C3orf49: variants seen among roughly 807,000 people sequenced by gnomAD.
The protein encoded by C3orf49 is putative uncharacterized protein C3orf49.
C3orf49 carries 27 observed loss-of-function variants against 13.3 expected under a neutral mutation model. That is an observed-to-expected ratio of 2.02 (90% confidence interval 1.49 to 2.79). The LOEUF (loss-of-function observed/expected upper bound fraction) is 2.79, where lower values mean the gene tolerates loss of function less well. C3orf49 is among the 30% of genes most tolerant of loss of function. C3orf49 has a pLI of 0.00. For synonymous variants in C3orf49, 87 were observed against 47.6 expected (o/e 1.83, Z -3.40); for missense variants, 242 against 134.2 (o/e 1.80, Z -3.97).
At chr3:63,815,985 C>T (rs1487119353), upstream of C3orf49, among the ~76,000 whole-genome samples, 6 of 151,204 alleles carry the variant, frequency 4.0e-5, no homozygotes, top group Admixed American at 2.0e-4. Context: ...GGGGTTTCAC[C>T]GTGTTGGCCA....
At chr3:63,816,023 A>T (rs1391755966), upstream of C3orf49, among the ~76,000 whole-genome samples, 1 of 151,320 alleles carries the variant, frequency 6.6e-6, no homozygotes, top group Non-Finnish European at 1.5e-5. Context: ...TGACCTCGTG[A>T]TCTGCCTGCC....
the C3orf49 span, among the ~76,000 whole-genome samples, chr3:63,810,441 G>C: frequency 6.6e-6 from 1 of 152,180 alleles, no homozygotes; most frequent in Non-Finnish European, 1.5e-5. Flanking sequence ...TTTGTGGAAT[G>C]ATCAGGTGAA....
the C3orf49 span, among the ~76,000 whole-genome samples, chr3:63,806,865 T>A: frequency 6.6e-6 from 1 of 152,220 alleles, no homozygotes; most frequent in Non-Finnish European, 1.5e-5. Context: ...GTATTATAAT[T>A]GCCTTTAGTT....
At chr3:63,799,053 A>C in the C3orf49 span, among the ~76,000 whole-genome samples, 1 of 152,156 alleles carries the variant, frequency 6.6e-6, no homozygotes, top group Non-Finnish European at 1.5e-5. Context: ...GTGAGCTGCC[A>C]TGGAGAACAA....
intron 5 of C3orf49, among the ~76,000 whole-genome samples, chr3:63,841,517 C>T (rs758364465): frequency 5.3e-4 from 80 of 152,160 alleles, no homozygotes; most frequent in Non-Finnish European, 1.0e-3. Flanking sequence ...TATTTTTGAG[C>T]GCAGGTGCAG....
chr3:63,831,064 A>C lies in C3orf49; in HGVS notation c.571-46A>C, dbSNP rs867495985. ...CTTGTTTAAGCACCATCACATAAAT[A>C]ATGTTGGTAGTTCCTAATCTGATGT... On this transcript the variant is annotated intron_variant, in intron 3 of 6. Coordinates refer to ENST00000295896, the MANE Select transcript of C3orf49 (RefSeq NM_001355236.2). 18 of 680,742 alleles carry C rather than the reference A, an allele frequency of 2.6e-5. 1 individual carries two copies. In the Middle Eastern group the frequency reaches 3.3e-3, roughly 126 times the overall value. The allele number at this position is 680,742 out of a possible 1,614,324, so 42.2% of individuals were successfully genotyped here.
chr3:63,811,570 C>CAAAACAAAAAAA, the C3orf49 span, among the ~76,000 whole-genome samples: 7 of 134,488 alleles, frequency 5.2e-5, no homozygotes, highest in African/African-American at 1.9e-4. Flanking sequence ...AAAACAAAAA[C>CAAAACAAAAAAA]AAAACAAAAA....
chr3:63,831,349 T>C (rs1352478244), intron 4 of C3orf49, 126 bp downstream of exon 4: 4 of 617,090 alleles, frequency 6.5e-6, no homozygotes, highest in Non-Finnish European at 1.1e-5. Flanking sequence ...TAAGAAATAA[T>C]GTTAGCAGGG....
At chr3:63,833,285 G>T (rs191409387) in intron 5 of C3orf49, among the ~76,000 whole-genome samples, 87 of 152,134 alleles carry the variant, frequency 5.7e-4, no homozygotes, top group African/African-American at 2.0e-3. Flanking sequence ...TTTTAGTAGA[G>T]ATGGGGTTTC....
chr3:63,828,489 A>C (rs1015601489), intron 3 of C3orf49, among the ~76,000 whole-genome samples: 2 of 152,104 alleles, frequency 1.3e-5, no homozygotes, highest in African/African-American at 4.8e-5. Flanking sequence ...TAGTAGAGAC[A>C]GCGTTTCGCC....
At chr3:63,847,072 A>G (rs547939436) in intron 6 of C3orf49, among the ~76,000 whole-genome samples, 1 of 152,252 alleles carries the variant, frequency 6.6e-6, no homozygotes, top group African/African-American at 2.4e-5. Context: ...AATGGATCGA[A>G]GAATTGCGTA....
At chr3:63,846,618 C>T (rs946378540) in intron 6 of C3orf49, among the ~76,000 whole-genome samples, 3 of 152,052 alleles carry the variant, frequency 2.0e-5, no homozygotes, top group Non-Finnish European at 4.4e-5. Flanking sequence ...CCATGTTGGC[C>T]AGGCTGGTTC....
upstream of C3orf49, among the ~76,000 whole-genome samples, chr3:63,819,146 A>G (rs1427099649): frequency 6.6e-6 from 1 of 152,048 alleles, no homozygotes; most frequent in Non-Finnish European, 1.5e-5. Context: ...AAATGCCAGC[A>G]TTGAGGCAAT....
At chr3:63,786,855 T>G in the C3orf49 span, among the ~76,000 whole-genome samples, 1 of 152,322 alleles carries the variant, frequency 6.6e-6, no homozygotes, top group South Asian at 2.1e-4. Flanking sequence ...TGTCTCTCTG[T>G]TCTCCACATT....
chr3:63,819,508 AAGAT>A lies in C3orf49; in HGVS notation c.38_41del (p.Lys13MetfsTer27), dbSNP rs1435531061. 1.4e-6 allele frequency: 1 copy of A among 702,948 alleles called. No individual in the cohort carries two copies. The highest frequency in any genetic ancestry group is 1.7e-5 in the African/African-American group (1 of 57,248). The allele number at this position is 702,948 out of a possible 1,614,324, so 43.5% of individuals were successfully genotyped here. A position where few individuals can be genotyped will look rare whatever the true frequency, so the allele number is the denominator to read the frequency against. On this transcript the variant is annotated frameshift_variant, in exon 1 of 7. Transcript: ENST00000295896. LOFTEE classifies it high-confidence loss of function. ...TCAGCTGTATCTACCAGAACCCTTTAAGATTGCCTACAGAAAAGTTGGACAGTGC... is the reference window on the plus strand; with the variant it reads ...TCAGCTGTATCTACCAGAACCCTTTATGCCTACAGAAAAGTTGGACAGTGC...
rs183206660 is a variant in C3orf49 at position 63,846,490 on chromosome 3, C to A, written c.*30+1408C>A. Among the ~76,000 whole-genome samples, 275 of 152,220 alleles carry A rather than the reference C, an allele frequency of 1.8e-3. 1 individual carries two copies. The highest frequency in any genetic ancestry group is 6.2e-3 in the African/African-American group (259 of 41,528). On this transcript the variant is annotated intron_variant, in intron 6 of 6. Transcript: ENST00000295896. ...GGGCGCAATCTTGGCTCACCACAAC[C>A]TTCGTCTCCTGGGTTCAAGCTATTC...
At chr3:63,791,187 A>T in the C3orf49 span, among the ~76,000 whole-genome samples, 1 of 152,242 alleles carries the variant, frequency 6.6e-6, no homozygotes, top group Non-Finnish European at 1.5e-5. Flanking sequence ...GCAAAAAGGT[A>T]TCCAAAGGGA....
chr3:63,808,306 C>G, the C3orf49 span, among the ~76,000 whole-genome samples: 1 of 152,150 alleles, frequency 6.6e-6, no homozygotes, highest in African/African-American at 2.4e-5. Context: ...TTTTATTAGA[C>G]AGGATGTATG....
chr3:63,840,612 A>G (rs1701735548), intron 5 of C3orf49, among the ~76,000 whole-genome samples: 1 of 152,190 alleles, frequency 6.6e-6, no homozygotes, highest in South Asian at 2.1e-4. Context: ...AAAAATAAAA[A>G]ATAAAAAAAT....
Sources: gnomAD v4.1 joint callset for allele counts (sites outside exome capture counted in the v4.1 genomes callset) on GRCh38, gnomAD v4.1.1 for gene constraint, MANE v1.5 for transcripts, NCBI Gene and HGNC (gene_info 2026-07-23, HGNC 2026-07-21) for gene names.